VEGFD: variants seen among roughly 807,000 people sequenced by gnomAD.
VEGFD encodes the protein vascular endothelial growth factor D.
A neutral mutation model predicts 28.0 loss-of-function variants in VEGFD; 26 were observed. The observed-to-expected ratio is 0.93, with a 90% confidence interval of 0.68 to 1.29. The LOEUF is 1.29. VEGFD is among the 50% of genes most tolerant of loss of function. The pLI is 0.00. For missense variants in VEGFD, 294 were observed against 273.4 expected (o/e 1.08, Z -0.53); for synonymous variants, 93 against 95.5 (o/e 0.97, Z 0.15).
chrX:15,358,335 C>A (rs1922919370), intron 2 of VEGFD, 142 bp from the exon 3 acceptor site: 1 of 518,832 alleles, frequency 1.9e-6, no homozygotes, highest in Non-Finnish European at 3.1e-6. Flanking sequence ...TTTTGTCAGT[C>A]CTTTAACCAA....
chrX:15,355,334 T>A (rs1233776157), intron 3 of VEGFD, 36 bp from the exon 4 acceptor site: 10 of 1,061,323 alleles, frequency 9.4e-6, no homozygotes, highest in East Asian at 7.2e-5. Flanking sequence ...TATATTTTTT[T>A]AATTTTATAT....
intron 5 of VEGFD, among the ~76,000 whole-genome samples, chrX:15,352,118 A>G (rs1922745745): frequency 8.9e-6 from 1 of 111,864 alleles, no homozygotes; most frequent in African/African-American, 3.3e-5. Context: ...TAAATATTAA[A>G]TTTCCCCACA....
intron 1 of VEGFD, among the ~76,000 whole-genome samples, chrX:15,366,174 TTTTG>T: frequency 9.0e-6 from 1 of 110,580 alleles, no homozygotes; most frequent in East Asian, 2.9e-4. Flanking sequence ...GCCCGGCTAA[TTTTG>T]TTTTTGTATT....
At chrX:15,379,938 A>C (rs1923529123) in intron 1 of VEGFD, among the ~76,000 whole-genome samples, 1 of 112,402 alleles carries the variant, frequency 8.9e-6, no homozygotes, top group Non-Finnish European at 1.9e-5. Context: ...TTGAAGATGT[A>C]AGATATTGAG....
rs374171217 is a variant in VEGFD, at chrX:15,374,332, T to A, written c.90+9525A>T. On this transcript the variant is annotated intron_variant, in intron 1 of 6. Coordinates refer to ENST00000297904, the MANE Select transcript of VEGFD (RefSeq NM_004469.5). Reference sequence around the variant, plus strand: ...AAAACTAGAAACAACTTATGTGTCATTCAATGGGTGAACGGTTCAGCAATC... The same window carrying A: ...AAAACTAGAAACAACTTATGTGTCAATCAATGGGTGAACGGTTCAGCAATC... 7.1e-5 allele frequency among the ~76,000 whole-genome samples: 8 copies of A among 112,209 alleles called. No individual in the cohort carries two copies. The East Asian group carries it at 1.7e-3, about 23-fold the overall frequency.
intron 1 of VEGFD, among the ~76,000 whole-genome samples, chrX:15,377,509 C>T (rs1923466616): frequency 8.9e-6 from 1 of 112,379 alleles, no homozygotes; most frequent in Non-Finnish European, 1.9e-5. Flanking sequence ...TCCAGCACTG[C>T]TGTAAAATTG....
In VEGFD at chrX:15,353,973, C is replaced by A. The variant is rs771282029; in HGVS notation, c.642-805G>T. On this transcript the variant is annotated intron_variant, in intron 4 of 6. Transcript: ENST00000297904. ...CTAACATACCTCCTAAGATTATTTT[C>A]TTTTCTTTTTTTTTTGACGGAGTCT... 1.2e-4 allele frequency among the ~76,000 whole-genome samples: 13 copies of A among 109,354 alleles called. No homozygotes were observed. The East Asian group carries it at 1.7e-3, about 15-fold the overall frequency. The allele number at this position is 109,354 out of a possible 115,157, so 95.0% of individuals were successfully genotyped here. A position where few individuals can be genotyped will look rare whatever the true frequency, so the allele number is the denominator to read the frequency against.
intron 2 of VEGFD, among the ~76,000 whole-genome samples, chrX:15,360,059 A>G (rs1922971496): frequency 8.9e-6 from 1 of 112,310 alleles, no homozygotes; most frequent in Non-Finnish European, 1.9e-5. Context: ...GAATTCCCAT[A>G]TAGGGGAATA....
At chrX:15,351,423 C>T (rs973324566) in intron 5 of VEGFD, among the ~76,000 whole-genome samples, 1 of 110,291 alleles carries the variant, frequency 9.1e-6, no homozygotes, top group Non-Finnish European at 1.9e-5. Flanking sequence ...CCGGCCGGCC[C>T]GGCTGGTTTT....
In VEGFD at chrX:15,347,210, C is replaced by A; in HGVS notation, c.892G>T (p.Glu298Ter). 1 of 1,211,134 alleles carries A rather than the reference C, an allele frequency of 8.3e-7. No individual in the cohort carries two copies. Among genetic ancestry groups the A allele is most frequent in the Non-Finnish European group, 1.1e-6 (1 of 895,189 alleles). The change falls in exon 6 of 7, where the codon GAG (glutamate) becomes TAG (stop). Residue 298 changes from glutamate (E) to a stop codon, truncating the protein, a stop_gained. Transcript: ENST00000297904. LOFTEE classifies it high-confidence loss of function. ...AGCTTGTGCTTCTGGCAGCAGGTCTCCAGACTTTCTTTGCACTCAAAGCAA... is the reference window on the plus strand; with the variant it reads ...AGCTTGTGCTTCTGGCAGCAGGTCTACAGACTTTCTTTGCACTCAAAGCAA... ...CSCFECKESL[E>*]TCCQKHKLFH...
At position 15,347,869 on chromosome X, in the gene VEGFD, G is replaced by C. The variant is rs73189547; in HGVS notation, c.743-510C>G. 5.7e-3 allele frequency among the ~76,000 whole-genome samples: 637 copies of C among 111,789 alleles called. 1 individual carries two copies. The highest frequency in any genetic ancestry group is 9.2e-3 in the Middle Eastern group (2 of 218). On this transcript the variant is annotated intron_variant, in intron 5 of 6. Transcript: ENST00000297904. ...GTATAAAAGATATAGGAGTAATAAT[G>C]AACTTTGATTCCACCAACATCTGCT...
At position 15,364,288 on chromosome X, in the gene VEGFD, C is replaced by T. The variant is rs149499864; in HGVS notation, c.91-969G>A. Among the ~76,000 whole-genome samples, 928 of 111,585 alleles carry T rather than the reference C, an allele frequency of 8.3e-3. 11 individuals carry two copies. The highest frequency in any genetic ancestry group is 0.029 in the African/African-American group (878 of 30,676). ...TCTAGAAGTATAAGAGTTTAATATTCTTATGGAGCTATCAAATACTCTTCT... is the reference window on the plus strand; with the variant it reads ...TCTAGAAGTATAAGAGTTTAATATTTTTATGGAGCTATCAAATACTCTTCT... On this transcript the variant is annotated intron_variant, in intron 1 of 6. Transcript: ENST00000297904.
rs1922531796 is a variant in VEGFD, at chrX:15,345,866, CA to C, written c.*266del. 2 of 297,347 alleles carry C rather than the reference CA, an allele frequency of 6.7e-6. No individual in the cohort carries two copies. The highest frequency in any genetic ancestry group is 1.2e-4 in the East Asian group (2 of 17,210). The allele number at this position is 297,347 out of a possible 1,213,427, so 24.5% of individuals were successfully genotyped here. A position where few individuals can be genotyped will look rare whatever the true frequency, so the allele number is the denominator to read the frequency against. ...TGACCAGCACACCTTTCTCATTCAC[CA>C]AAAAACAAAAACAAAACTAAACAAA... On this transcript the variant is annotated 3_prime_UTR_variant, in exon 7 of 7. Coordinates refer to ENST00000297904, the MANE Select transcript of VEGFD (RefSeq NM_004469.5).
In VEGFD at chrX:15,358,088, C is replaced by T. The variant is rs1183077517; in HGVS notation, c.407G>A (p.Cys136Tyr). Residue 136 changes from cysteine to tyrosine, a missense_variant, in exon 3 of 7, where the codon TGT (cysteine) becomes TAT (tyrosine). Cys to Tyr is a radical substitution (Grantham distance 194, BLOSUM62 -2). Transcript: ENST00000297904. Reference protein sequence around the residue: ...KSTNTFFKPPCVNVFRCGGCC... With the variant: ...KSTNTFFKPPYVNVFRCGGCC... ...GCCACCACATCGGAACACGTTCACA[C>T]AAGGGGGCTTGAAGAATGTGTTGGT... 1.7e-6 allele frequency: 2 copies of T among 1,211,645 alleles called. No individual in the cohort carries two copies. Among genetic ancestry groups the T allele is most frequent in the Non-Finnish European group, 1.1e-6 (1 of 895,317 alleles).
In VEGFD at chrX:15,383,948, T is replaced by C. The variant is rs749588929; in HGVS notation, c.-2A>G. On this transcript the variant is annotated 5_prime_UTR_variant, in exon 1 of 7. Coordinates refer to ENST00000297904, the MANE Select transcript of VEGFD (RefSeq NM_004469.5). Reference sequence around the variant, plus strand: ...CACCACTACCCACTCTCTGTACATTTTGAATATTTCAATATCCACTGATTA... The same window carrying C: ...CACCACTACCCACTCTCTGTACATTCTGAATATTTCAATATCCACTGATTA... 8.4e-7 allele frequency: 1 copy of C among 1,184,865 alleles called. No homozygotes were observed. The highest frequency in any genetic ancestry group is 1.8e-5 in the South Asian group (1 of 56,307).
intron 3 of VEGFD, among the ~76,000 whole-genome samples, chrX:15,356,973 T>C (rs1000334250): frequency 4.5e-5 from 5 of 112,172 alleles, no homozygotes; most frequent in Admixed American, 9.4e-5. Flanking sequence ...TACTACCTCT[T>C]TTTGCAGTTA....
chrX:15,365,929 T>C (rs1356673422), intron 1 of VEGFD, among the ~76,000 whole-genome samples: 1 of 112,273 alleles, frequency 8.9e-6, no homozygotes. Flanking sequence ...GTATTTCTAA[T>C]TTCAAGCATT....
At chrX:15,367,537 T>C (rs1923176094) in intron 1 of VEGFD, among the ~76,000 whole-genome samples, 1 of 112,266 alleles carries the variant, frequency 8.9e-6, no homozygotes, top group South Asian at 3.6e-4. Flanking sequence ...GTCTTCAAAA[T>C]AAAACTTTGT....
At chrX:15,379,928 T>C (rs906711716) in intron 1 of VEGFD, among the ~76,000 whole-genome samples, 2 of 112,237 alleles carry the variant, frequency 1.8e-5, no homozygotes, top group Non-Finnish European at 3.8e-5. Context: ...AAGTACTATA[T>C]TGAAGATGTA....
Sources: gnomAD v4.1 joint callset for allele counts (sites outside exome capture counted in the v4.1 genomes callset) on GRCh38, gnomAD v4.1.1 for gene constraint, MANE v1.5 for transcripts, NCBI Gene and HGNC (gene_info 2026-07-23, HGNC 2026-07-21) for gene names.